Variants in CDH18 observed in about 807,000 individuals in gnomAD.
CDH18 encodes the protein cadherin-18.
Under a neutral mutation model 67.9 loss-of-function variants are expected in CDH18, and 31 were observed. That is an observed-to-expected ratio of 0.46 (90% CI 0.34 to 0.62). CDH18 has a LOEUF of 0.62. CDH18 is among the 20% of genes least tolerant of loss of function. The pLI is 0.01. For synonymous variants in CDH18, 362 were observed against 347.2 expected, an observed-to-expected ratio of 1.04 and a Z score of -0.48; for missense variants, 890 against 975.5, an observed-to-expected ratio of 0.91 and a Z score of 1.17.
At chr5:20,016,879 C>T (rs1175883045) in intron 2 of CDH18, among the ~76,000 whole-genome samples, 1 of 151,922 alleles carries the variant, frequency 6.6e-6, no homozygotes, top group African/African-American at 2.4e-5. Flanking sequence ...GTTATAATTG[C>T]CTACCTGTAA....
intron 1 of CDH18, among the ~76,000 whole-genome samples, chr5:20,355,624 T>C (rs1741546777): frequency 2.0e-5 from 3 of 152,216 alleles, no homozygotes; most frequent in Admixed American, 2.0e-4. Context: ...TTACTTATGA[T>C]ACAAAGATTA....
At chr5:20,329,438 A>T (rs1738942672) in intron 1 of CDH18, among the ~76,000 whole-genome samples, 1 of 152,180 alleles carries the variant, frequency 6.6e-6, no homozygotes, top group Non-Finnish European at 1.5e-5. Flanking sequence ...TCCACAAAAT[A>T]ACCTATGGAA....
rs373806258 is a variant in CDH18, at chr5:19,817,107, A to T, written c.228+21652T>A. On this transcript the variant is annotated intron_variant, in intron 3 of 12. Transcript: ENST00000382275. ...AAAAAGAAATAATTACATCTCCTCA[A>T]AATTGGAAAACATCATCAATTTTAC... Among the ~76,000 whole-genome samples the T allele has an allele frequency of 2.6e-5, 4 of 151,940 alleles. No homozygotes were observed. In the East Asian group the frequency reaches 7.7e-4, roughly 29 times the overall value.
intron 2 of CDH18, among the ~76,000 whole-genome samples, chr5:19,858,622 A>G (rs541536250): frequency 6.6e-6 from 1 of 152,318 alleles, no homozygotes; most frequent in South Asian, 2.1e-4. Flanking sequence ...TGAGAAAGTG[A>G]AGATAAAGTT....
intron 2 of CDH18, among the ~76,000 whole-genome samples, chr5:19,946,529 G>A (rs1200104578): frequency 2.6e-5 from 4 of 152,034 alleles, no homozygotes; most frequent in African/African-American, 7.2e-5. Flanking sequence ...AAATGAATCC[G>A]AAGAAAATAC....
chr5:19,769,793 G>A (rs1387509372), intron 3 of CDH18, among the ~76,000 whole-genome samples: 1 of 151,478 alleles, frequency 6.6e-6, no homozygotes, highest in Admixed American at 6.6e-5. Context: ...TACCAAAAAA[G>A]TGAAAGTACG....
chr5:20,048,398 C>G (rs189711834), intron 2 of CDH18, among the ~76,000 whole-genome samples: 3 of 151,470 alleles, frequency 2.0e-5, no homozygotes, highest in Non-Finnish European at 4.4e-5. Context: ...TAAACACTAC[C>G]CTCTTTATGG....
intron 2 of CDH18, among the ~76,000 whole-genome samples, chr5:19,886,661 G>A (rs1183034263): frequency 6.6e-6 from 1 of 151,992 alleles, no homozygotes; most frequent in African/African-American, 2.4e-5. Context: ...TAGGAGGGTG[G>A]CCACACTTGT....
At chr5:19,736,464 G>T (rs933833139) in intron 4 of CDH18, among the ~76,000 whole-genome samples, 11 of 152,208 alleles carry the variant, frequency 7.2e-5, no homozygotes, top group African/African-American at 2.6e-4. Context: ...GTAAATTATT[G>T]ATCTTGAAAG....
At chr5:19,691,498 A>G (rs1194745661) in intron 5 of CDH18, among the ~76,000 whole-genome samples, 2 of 151,842 alleles carry the variant, frequency 1.3e-5, no homozygotes, top group Non-Finnish European at 3.0e-5. Context: ...ACACTTGAAG[A>G]TTCTTCTAAG....
rs1579452106 is a variant in CDH18 at position 19,890,762 on chromosome 5, T to G, written c.-256-51520A>C. On this transcript the variant is annotated intron_variant, in intron 2 of 12. Coordinates refer to ENST00000382275, the MANE Select transcript of CDH18 (RefSeq NM_004934.5). ...GGCGCCCACCACTATGCCTGGCTAA[T>G]TTTTGTATTTTTATTAGAGACGGGG... is the stretch of plus-strand genomic sequence containing the variant. 2.0e-5 allele frequency among the ~76,000 whole-genome samples: 3 copies of G among 152,142 alleles called. No individual in the cohort carries two copies. The East Asian group carries it at 5.8e-4, about 30-fold the overall frequency.
At chr5:20,059,413 T>C (rs1742271461) in intron 2 of CDH18, among the ~76,000 whole-genome samples, 1 of 152,184 alleles carries the variant, frequency 6.6e-6, no homozygotes, top group African/African-American at 2.4e-5. Flanking sequence ...CTTTTAATTG[T>C]GATGTTAGGG....
At chr5:20,463,087 C>A (rs148374679) in intron 1 of CDH18, among the ~76,000 whole-genome samples, 7 of 152,254 alleles carry the variant, frequency 4.6e-5, no homozygotes, top group Middle Eastern at 3.4e-3. Context: ...AAAATTCACT[C>A]ATAATTGAAT....
At chr5:20,529,603 G>T (rs1024919544) in intron 1 of CDH18, among the ~76,000 whole-genome samples, 3 of 151,870 alleles carry the variant, frequency 2.0e-5, no homozygotes, top group Non-Finnish European at 4.4e-5. Context: ...ATCAATATAC[G>T]TAATTCATCA....
chr5:19,861,399 G>T (rs1326567847), intron 2 of CDH18, among the ~76,000 whole-genome samples: 1 of 152,056 alleles, frequency 6.6e-6, no homozygotes, highest in Non-Finnish European at 1.5e-5. Context: ...TATACCAGAG[G>T]GGGCTGTGTA....
chr5:20,034,380 T>A (rs1739657845), intron 2 of CDH18, among the ~76,000 whole-genome samples: 1 of 152,064 alleles, frequency 6.6e-6, no homozygotes, highest in Admixed American at 6.6e-5. Flanking sequence ...ATTTCAAACA[T>A]ACAGTGCTTT....
chr5:19,896,317 C>T (rs1481953480), intron 2 of CDH18, among the ~76,000 whole-genome samples: 2 of 151,944 alleles, frequency 1.3e-5, no homozygotes, highest in Admixed American at 6.6e-5. Context: ...TCATTGCACT[C>T]GAGCCTGGGC....
intron 4 of CDH18, among the ~76,000 whole-genome samples, chr5:19,743,353 C>T (rs1769484976): frequency 6.6e-6 from 1 of 152,138 alleles, no homozygotes; most frequent in South Asian, 2.1e-4. Flanking sequence ...TGCCTCTGAT[C>T]TCCCTATAAT....
chr5:20,290,485 C>T (rs953168441), intron 1 of CDH18, among the ~76,000 whole-genome samples: 7 of 152,028 alleles, frequency 4.6e-5, no homozygotes, highest in Non-Finnish European at 7.4e-5. Flanking sequence ...GCTGAGATCA[C>T]AAAAGTGAAT....
Sources: gnomAD v4.1 joint callset for allele counts (sites outside exome capture counted in the v4.1 genomes callset) on GRCh38, gnomAD v4.1.1 for gene constraint, MANE v1.5 for transcripts, NCBI Gene and HGNC (gene_info 2026-07-23, HGNC 2026-07-21) for gene names.